IARS2: variants seen among roughly 807,000 people sequenced by gnomAD.
The protein encoded by IARS2 is isoleucine--tRNA ligase, mitochondrial.
IARS2 carries 56 observed loss-of-function variants against 126.3 expected under a neutral mutation model. The ratio of observed to expected loss-of-function variants is 0.44; its 90% CI spans 0.36 to 0.55. The LOEUF (loss-of-function observed/expected upper bound fraction) is 0.55. IARS2 is among the 20% of genes least tolerant of loss of function. The pLI is 0.00. For missense variants in IARS2, 1,127 were observed against 1,245.9 expected, an observed-to-expected ratio of 0.90 and a Z score of 1.44; for synonymous variants, 407 against 441.1, an observed-to-expected ratio of 0.92 and a Z score of 0.97.
chr1:220,122,930 C>T (rs1413268421), intron 12 of IARS2, among the ~76,000 whole-genome samples: 1 of 145,962 alleles, frequency 6.9e-6, no homozygotes, highest in Non-Finnish European at 1.5e-5. Flanking sequence ...CTAATGATAA[C>T]ATTGTAAAAA....
At chr1:220,094,700 G>C (rs116527746) in intron 1 of IARS2, among the ~76,000 whole-genome samples, 2 of 152,324 alleles carry the variant, frequency 1.3e-5, no homozygotes, top group Non-Finnish European at 2.9e-5. Flanking sequence ...CCAGGTTCTG[G>C]AGCGGGACAT....
intron 14 of IARS2, among the ~76,000 whole-genome samples, chr1:220,132,735 A>G (rs979438689): frequency 1.3e-5 from 2 of 151,866 alleles, no homozygotes; most frequent in East Asian, 3.9e-4. Context: ...CATCTTGGCC[A>G]GGCTGGTCTT....
chr1:220,100,867 T>G (rs1225406161), intron 3 of IARS2, among the ~76,000 whole-genome samples: 2 of 152,232 alleles, frequency 1.3e-5, no homozygotes, highest in Non-Finnish European at 2.9e-5. Context: ...TGTGAGCATT[T>G]CTGATTGCAT....
At chr1:220,106,330 C>A (rs894402654) in intron 9 of IARS2, among the ~76,000 whole-genome samples, 22 of 152,100 alleles carry the variant, frequency 1.4e-4, no homozygotes, top group African/African-American at 4.8e-4. Flanking sequence ...GTCACATAGA[C>A]AAATTACTTT....
chr1:220,120,374 G>A (rs963927472), intron 12 of IARS2, among the ~76,000 whole-genome samples: 2 of 148,300 alleles, frequency 1.3e-5, no homozygotes, highest in Non-Finnish European at 3.0e-5. Context: ...GAACCACCGC[G>A]CCCGGCCTTT....
At chr1:220,097,482 G>C (rs901005539) in intron 2 of IARS2, among the ~76,000 whole-genome samples, 2 of 150,638 alleles carry the variant, frequency 1.3e-5, no homozygotes, top group African/African-American at 4.9e-5. Context: ...TCCTGCCTCA[G>C]CCTCCCAAGT....
Position 220,102,161 on chromosome 1 carries a change from C to T in IARS2, c.583C>T (p.Gln195Ter). 3 of 1,606,430 alleles carry T rather than the reference C, an allele frequency of 1.9e-6. No individual in the cohort carries two copies. Among genetic ancestry groups the T allele is most frequent in the Non-Finnish European group, 2.5e-6 (3 of 1,178,386 alleles). Reference protein sequence around the residue: ...RSFAKAAIEKQKSAFIRWGIM... With the variant: ...RSFAKAAIEK ...ATTTGCTAAAGCAGCCATTGAGAAA[C>T]AGAAATCAGCATTTATTCGTTGGGG... Residue 195 changes from glutamine (Q) to a stop codon, truncating the protein, a stop_gained, in exon 4 of 23, where the codon CAG becomes TAG. Coordinates refer to ENST00000366922, the MANE Select transcript of IARS2 (RefSeq NM_018060.4). LOFTEE classifies it high-confidence loss of function.
At position 220,107,119 on chromosome 1, in the gene IARS2, A is replaced by G. The variant is rs1366024410; in HGVS notation, c.1295A>G (p.Asn432Ser). ...FTDVAGPELQ[N>S]KAVLEEGTDV... ...GATGTTGCAGGTCCTGAACTTCAAA[A>G]CAAGGCTGTCCTTGAAGAGGGAACT... The change falls in exon 10 of 23, where the codon AAC becomes AGC. Residue 432 changes from asparagine (N) to serine (S), a missense_variant. Transcript: ENST00000366922. 2 of 1,613,646 alleles carry G rather than the reference A, an allele frequency of 1.2e-6. No homozygotes were observed. The highest frequency in any genetic ancestry group is 3.3e-5 in the Admixed American group (2 of 60,014).
chr1:220,136,775 G>T, intron 15 of IARS2, 34 bp from the exon 16 acceptor site: 1 of 1,098,748 alleles, frequency 9.1e-7, no homozygotes. Flanking sequence ...TTATAATTGT[G>T]TTTATCATTA....
In IARS2 at chr1:220,115,291, G is replaced by A. The variant is rs376281179; in HGVS notation, c.1640+817G>A. On this transcript the variant is annotated intron_variant, in intron 12 of 22. Coordinates refer to ENST00000366922, the MANE Select transcript of IARS2 (RefSeq NM_018060.4). The stretch of plus-strand genomic sequence containing the variant: ...TACTATAAAATTCATGGCCAGGTGC[G>A]GTGGCTCACGCCTGTAATCCCAGCC... Among the ~76,000 whole-genome samples the A allele has an allele frequency of 1.8e-4, 27 of 152,192 alleles. 1 individual carries two copies. Among genetic ancestry groups the A allele is most frequent in the East Asian group, 9.7e-4 (5 of 5,168 alleles).
At chr1:220,100,463 A>G (rs1656548288) in intron 2 of IARS2, 27 bp from the exon 3 acceptor site, 5 of 1,548,120 alleles carry the variant, frequency 3.2e-6, no homozygotes, top group Non-Finnish European at 4.4e-6. Context: ...TTATGTATGA[A>G]TGATAATTAT....
At chr1:220,097,944 G>A (rs907306696) in intron 2 of IARS2, among the ~76,000 whole-genome samples, 1 of 151,770 alleles carries the variant, frequency 6.6e-6, no homozygotes, top group African/African-American at 2.4e-5. Flanking sequence ...GCGCAGTCTC[G>A]GCTCACTGCA....
At chr1:220,123,948 A>G (rs1258829287) in intron 12 of IARS2, among the ~76,000 whole-genome samples, 2 of 152,234 alleles carry the variant, frequency 1.3e-5, no homozygotes, top group African/African-American at 4.8e-5. Flanking sequence ...TATGTGTTTT[A>G]TATTTATTAA....
intron 2 of IARS2, among the ~76,000 whole-genome samples, chr1:220,099,236 T>TAAG (rs1656515946): frequency 2.1e-5 from 3 of 143,428 alleles, no homozygotes; most frequent in African/African-American, 7.7e-5. Context: ...AAAAAAGAAA[T>TAAG]AAATATAATG....
intron 19 of IARS2, 115 bp from the exon 20 acceptor site, chr1:220,141,685 AGAT>A: frequency 1.0e-6 from 1 of 965,800 alleles, no homozygotes; most frequent in Non-Finnish European, 1.6e-6. Flanking sequence ...TTTAAGTAGA[AGAT>A]GATTAGAGCC....
chr1:220,096,674 G>A (rs917497163), intron 2 of IARS2, among the ~76,000 whole-genome samples: 2 of 152,164 alleles, frequency 1.3e-5, no homozygotes, highest in African/African-American at 2.4e-5. Context: ...GTAGATTTCA[G>A]TGGAAATTTT....
chr1:220,145,160 T>C (rs1232248685), intron 21 of IARS2, among the ~76,000 whole-genome samples: 1 of 152,098 alleles, frequency 6.6e-6, no homozygotes, highest in Non-Finnish European at 1.5e-5. Flanking sequence ...GTTGAGAATC[T>C]TGGGCAAGTT....
At position 220,096,084 on chromosome 1, in the gene IARS2, CTTTT is replaced by C. The variant is rs376359534; in HGVS notation, c.268-11_268-8del. The stretch of plus-strand genomic sequence containing the variant: ...ATGTATTTATATGATGTTTAGATAT[CTTTT>C]TTTTTTTTAAAACAGAAATGTGGAT... On this transcript the variant is annotated splice_polypyrimidine_tract_variant and intron_variant, in intron 1 of 22. Transcript: ENST00000366922. The C allele has an allele frequency of 3.0e-6, 3 of 1,004,570 alleles. No homozygotes were observed. Among genetic ancestry groups the C allele is most frequent in the South Asian group, 3.4e-5 (2 of 58,442 alleles). 62.2% of individuals were successfully genotyped at this position (1,004,570 alleles called of 1,614,324 possible). A position where few individuals can be genotyped will look rare whatever the true frequency, so the allele number is the denominator to read the frequency against.
chr1:220,094,260 T>G lies in IARS2; in HGVS notation c.44T>G (p.Leu15Arg), dbSNP rs1199077414. 2 of 1,606,308 alleles carry G rather than the reference T, an allele frequency of 1.2e-6. No homozygotes were observed. Among genetic ancestry groups the G allele is most frequent in the African/African-American group, 1.3e-5 (1 of 74,576 alleles). ...CCTCGCGGGCCGGGCGCGGCCGCCC[T>G]GGCCACTGCCCGAAGTTTGTGGGGG... ...LRPRGPGAAA[L>R]ATARSLWGTP... The change falls in exon 1 of 23, where the codon CTG becomes CGG. Residue 15 changes from leucine (L) to arginine (R), a missense_variant. By Grantham distance (102) the Leu-to-Arg change is moderately radical. Coordinates refer to ENST00000366922, the MANE Select transcript of IARS2 (RefSeq NM_018060.4).
Sources: gnomAD v4.1 joint callset for allele counts (sites outside exome capture counted in the v4.1 genomes callset) on GRCh38, gnomAD v4.1.1 for gene constraint, MANE v1.5 for transcripts, NCBI Gene and HGNC (gene_info 2026-07-23, HGNC 2026-07-21) for gene names.